Variants in PLD1 observed in about 807,000 individuals in gnomAD.
PLD1 encodes the protein choline phosphatase 1.
A neutral mutation model predicts 137.1 loss-of-function variants in PLD1; 112 were observed. The ratio of observed to expected loss-of-function variants is 0.82; its 90% CI spans 0.70 to 0.96. The LOEUF is 0.96. Ranked by LOEUF, PLD1 falls within the 40% of genes least tolerant of loss-of-function variation. The pLI is 0.00. For missense variants in PLD1, 1,321 were observed against 1,342.0 expected (o/e 0.98, Z 0.24); for synonymous variants, 431 against 454.7 (o/e 0.95, Z 0.66).
At chr3:171,724,507 A>G (rs2108238964) in intron 8 of PLD1, among the ~76,000 whole-genome samples, 189 bp downstream of exon 8, 1 of 152,300 alleles carries the variant, frequency 6.6e-6, no homozygotes. Context: ...TAATCTGTAC[A>G]CTTTGCCTAC....
At chr3:171,686,929 T>C in intron 15 of PLD1, 131 bp from the exon 16 acceptor site, 1 of 535,238 alleles carries the variant, frequency 1.9e-6, no homozygotes, top group Non-Finnish European at 3.3e-6. Flanking sequence ...CAACAGAAAA[T>C]TGTAGGGCTT....
intron 1 of PLD1, among the ~76,000 whole-genome samples, chr3:171,791,433 A>G (rs1723207746): frequency 6.6e-6 from 1 of 152,100 alleles, no homozygotes; most frequent in Admixed American, 6.5e-5. Flanking sequence ...AACCATCAAG[A>G]GTGACACACA....
rs756739913 is a variant in PLD1, at chr3:171,709,661, T to C, written c.960A>G (p.Gly320=). 6.8e-6 allele frequency: 11 copies of C among 1,613,834 alleles called. 1 individual carries two copies. In the South Asian group the frequency reaches 1.2e-4, roughly 18 times the overall value. The change falls in exon 10 of 27, where the codon GGA becomes GGG. Residue 320 remains glycine, a synonymous_variant. Coordinates refer to ENST00000351298, the MANE Select transcript of PLD1 (RefSeq NM_002662.5). ...CNSYRHARWW[G]GAIEEFIQKH... is the part of the protein sequence containing the mutation. ...TCTGGATGAATTCTTCTATAGCCCC[T>C]CCCCACCACCGAGCATGTCTATAGC...
chr3:171,739,035 A>G (rs532766784), intron 1 of PLD1, among the ~76,000 whole-genome samples: 1 of 152,332 alleles, frequency 6.6e-6, no homozygotes, highest in African/African-American at 2.4e-5. Flanking sequence ...CATCCACCAC[A>G]TGTGAGATGA....
chr3:171,775,559 A>G (rs1466348663), intron 1 of PLD1, among the ~76,000 whole-genome samples: 1 of 152,152 alleles, frequency 6.6e-6, no homozygotes, highest in Non-Finnish European at 1.5e-5. Context: ...AAAGAGGGAA[A>G]GAGCCCAGCG....
At chr3:171,643,622 G>C (rs1735960467) in intron 22 of PLD1, among the ~76,000 whole-genome samples, 1 of 151,792 alleles carries the variant, frequency 6.6e-6, no homozygotes, top group African/African-American at 2.4e-5. Context: ...CTGGTTCGAA[G>C]GCAAGAAAAT....
intron 23 of PLD1, among the ~76,000 whole-genome samples, chr3:171,637,502 G>A (rs75024324): frequency 0.23 from 35,647 of 152,026 alleles, 4,476 homozygotes; most frequent in Admixed American, 0.3. Flanking sequence ...CAAAGTGCTG[G>A]AATTACAGGT....
chr3:171,708,170 C>T (rs952428626), intron 11 of PLD1, among the ~76,000 whole-genome samples: 1 of 152,168 alleles, frequency 6.6e-6, no homozygotes, highest in African/African-American at 2.4e-5. Context: ...ACACCAACTA[C>T]AGGAGTAAAT....
chr3:171,623,797 C>A (rs925640865), intron 23 of PLD1, among the ~76,000 whole-genome samples: 3 of 151,930 alleles, frequency 2.0e-5, no homozygotes, highest in Non-Finnish European at 2.9e-5. Context: ...AAGGACAAGG[C>A]CTTTTCAATA....
At chr3:171,762,381 G>A (rs951335812) in intron 1 of PLD1, among the ~76,000 whole-genome samples, 2 of 152,176 alleles carry the variant, frequency 1.3e-5, no homozygotes, top group African/African-American at 4.8e-5. Flanking sequence ...CATGAAGTAA[G>A]ATCAAGTTCC....
Position 171,620,413 on chromosome 3 carries a change from T to C in PLD1, c.2701A>G (p.Ile901Val). ...ELIYVHSKLL[I>V]ADDNTVIIGS... ...ATAATAACAGTGTTATCATCAGCAA[T>C]TAACAACTTGCTGTGGACATAGATA... is the stretch of plus-strand genomic sequence containing the variant. Residue 901 changes from isoleucine to valine, a missense_variant, in exon 24 of 27, where the codon ATT becomes GTT. Transcript: ENST00000351298. The C allele has an allele frequency of 6.3e-7, 1 of 1,596,356 alleles. No individual in the cohort carries two copies. Among genetic ancestry groups the C allele is most frequent in the Non-Finnish European group, 8.6e-7 (1 of 1,166,968 alleles).
chr3:171,662,317 G>C (rs1711580304), intron 19 of PLD1, 147 bp from the exon 20 acceptor site: 1 of 560,386 alleles, frequency 1.8e-6, no homozygotes, highest in Non-Finnish European at 3.2e-6. Flanking sequence ...GGAGAGTAGT[G>C]GGGTGGGGAA....
intron 19 of PLD1, among the ~76,000 whole-genome samples, chr3:171,668,983 G>C (rs1418391840): frequency 6.6e-6 from 1 of 152,116 alleles, no homozygotes; most frequent in Admixed American, 6.5e-5. Context: ...TGTCTTCTCT[G>C]AGTGCTCTTG....
At chr3:171,794,189 G>A (rs1489772507) in intron 1 of PLD1, among the ~76,000 whole-genome samples, 1 of 151,586 alleles carries the variant, frequency 6.6e-6, no homozygotes, top group African/African-American at 2.4e-5. Flanking sequence ...TATTTTGAGA[G>A]AGAGAGAAAA....
Position 171,677,620 on chromosome 3 carries a change from C to T in PLD1, c.1942G>A (p.Asp648Asn). ...HGETRFWHGK[D>N]YCNFVFKDWV... Reference sequence around the variant, plus strand: ...TCTTTGAAGACGAAATTGCAGTAGTCCTTTCCATGCCAGAATCTGGTTTCC... The same window carrying T: ...TCTTTGAAGACGAAATTGCAGTAGTTCTTTCCATGCCAGAATCTGGTTTCC... The change falls in exon 17 of 27, where the codon GAC becomes AAC. Residue 648 changes from aspartate to asparagine, a missense_variant. Coordinates refer to ENST00000351298, the MANE Select transcript of PLD1 (RefSeq NM_002662.5). 6.2e-7 allele frequency: 1 copy of T among 1,613,982 alleles called. No individual in the cohort carries two copies. Among genetic ancestry groups the T allele is most frequent in the Non-Finnish European group, 8.5e-7 (1 of 1,179,852 alleles).
intron 26 of PLD1, among the ~76,000 whole-genome samples, chr3:171,604,663 C>A (rs759282039): frequency 6.6e-6 from 1 of 152,190 alleles, no homozygotes; most frequent in Non-Finnish European, 1.5e-5. Context: ...ATAGACTTCA[C>A]AGGCAATGCA....
At chr3:171,797,951 C>G (rs906283816) in intron 1 of PLD1, among the ~76,000 whole-genome samples, 1 of 152,056 alleles carries the variant, frequency 6.6e-6, no homozygotes, top group South Asian at 2.1e-4. Context: ...AATTTTCAAA[C>G]TCATTTTCCA....
At chr3:171,771,529 C>T (rs1722351872) in intron 1 of PLD1, 1 of 152,268 alleles carries the variant, frequency 6.6e-6, no homozygotes, top group South Asian at 2.1e-4. Context: ...CACTTTTGTA[C>T]TTGCTGCCCA....
intron 1 of PLD1, among the ~76,000 whole-genome samples, chr3:171,764,920 GAAAGGAAAGAAAGGAAAGAAAGAAAGAAA>G (rs1479323079): frequency 0.038 from 1,261 of 33,550 alleles, 219 homozygotes; most frequent in African/African-American, 0.04. Flanking sequence ...AGGAAAGAAA[GAAAGGAAAGAAAGGAAAGAAAGAAAGAAA>G]GAAAGAAAGA....
Sources: gnomAD v4.1 joint callset for allele counts (sites outside exome capture counted in the v4.1 genomes callset) on GRCh38, gnomAD v4.1.1 for gene constraint, MANE v1.5 for transcripts, NCBI Gene and HGNC (gene_info 2026-07-23, HGNC 2026-07-21) for gene names.